SLC9A7: variants seen among roughly 807,000 people sequenced by gnomAD.
The protein encoded by SLC9A7 is sodium/hydrogen exchanger 7.
SLC9A7 carries 19 observed loss-of-function variants against 52.6 expected under a neutral mutation model. That is an observed-to-expected ratio of 0.36 (90% CI 0.25 to 0.53). The LOEUF (loss-of-function observed/expected upper bound fraction) is 0.53, where lower values mean the gene tolerates loss of function less well. Among genes scored for constraint, SLC9A7 ranks in the 20% least tolerant of loss-of-function variants. SLC9A7 has a pLI of 0.91. For synonymous variants in SLC9A7, 226 were observed against 252.1 expected (o/e 0.90, Z 0.98); for missense variants, 455 against 597.9 (o/e 0.76, Z 2.49).
chrX:46,621,560 G>C (rs1277670404), intron 14 of SLC9A7, among the ~76,000 whole-genome samples: 1 of 111,387 alleles, frequency 9.0e-6, no homozygotes, highest in Non-Finnish European at 1.9e-5. Flanking sequence ...CTGTGCTCCA[G>C]GTGGTAAGGT....
At chrX:46,725,044 A>G (rs1944920522) in intron 1 of SLC9A7, 1 of 442,059 alleles carries the variant, frequency 2.3e-6, no homozygotes, top group Non-Finnish European at 4.0e-6. Context: ...ACTTTCCTTC[A>G]AAGAAAGGAA....
intron 15 of SLC9A7, among the ~76,000 whole-genome samples, chrX:46,618,722 T>A (rs1942993443): frequency 8.9e-6 from 1 of 112,229 alleles, no homozygotes; most frequent in Admixed American, 9.4e-5. Context: ...GGCAGGTGGA[T>A]AACTTGAGGC....
At chrX:46,655,832 C>G (rs1364687498) in intron 7 of SLC9A7, among the ~76,000 whole-genome samples, 199 of 112,819 alleles carry the variant, frequency 1.8e-3, no homozygotes, top group Non-Finnish European at 3.4e-3. Flanking sequence ...TTTAGGTAAA[C>G]AAAGCAGCCG....
chrX:46,696,143 G>A (rs952244505), intron 1 of SLC9A7, among the ~76,000 whole-genome samples: 18 of 109,634 alleles, frequency 1.6e-4, no homozygotes, highest in Non-Finnish European at 2.8e-4. Context: ...CCGCCACCAC[G>A]GCCGGCTAAT....
intron 5 of SLC9A7, among the ~76,000 whole-genome samples, 164 bp from the exon 6 acceptor site, chrX:46,662,807 C>T (rs1007377991): frequency 3.6e-5 from 4 of 111,799 alleles, no homozygotes; most frequent in Non-Finnish European, 5.6e-5. Flanking sequence ...AAATGAAAAC[C>T]GCAATCTTCC....
chrX:46,661,240 G>C (rs1390353703), intron 7 of SLC9A7, among the ~76,000 whole-genome samples: 1 of 108,387 alleles, frequency 9.2e-6, no homozygotes, highest in African/African-American at 3.4e-5. Context: ...GGGAAGGGGG[G>C]AGGGATAGCA....
chrX:46,735,340 T>C (rs1008172245), intron 1 of SLC9A7, among the ~76,000 whole-genome samples: 2 of 111,716 alleles, frequency 1.8e-5, no homozygotes, highest in Admixed American at 1.9e-4. Flanking sequence ...ACAATGTTTT[T>C]AAATAATCTG....
intron 1 of SLC9A7, among the ~76,000 whole-genome samples, chrX:46,744,880 G>A: frequency 9.0e-6 from 1 of 111,136 alleles, no homozygotes; most frequent in Non-Finnish European, 1.9e-5. Context: ...AATTTTGTCA[G>A]AATTCTAGAA....
intron 1 of SLC9A7, among the ~76,000 whole-genome samples, chrX:46,694,948 C>A (rs1944429056): frequency 8.9e-6 from 1 of 112,153 alleles, no homozygotes; most frequent in Non-Finnish European, 1.9e-5. Flanking sequence ...TTACACTAAG[C>A]ATACATGCTC....
In SLC9A7 at chrX:46,635,599, G is replaced by A. The variant is rs1258114042; in HGVS notation, c.1666C>T (p.Gln556Ter). Residue 556 changes from glutamine to a stop codon, truncating the protein, a stop_gained, in exon 13 of 17, where the codon CAG becomes TAG. Transcript: ENST00000616978. LOFTEE classifies it high-confidence loss of function. ...SEEDQNEHHW[Q>*]YFRVGVDPDQ... is the part of the protein sequence containing the mutation. ...ATGCCCTTGTGTCACCTGAAGTACT[G>A]CCAGTGGTGTTCATTCTGGTCCTCT... The A allele has an allele frequency of 8.3e-7, 1 of 1,207,215 alleles. No individual in the cohort carries two copies. The highest frequency in any genetic ancestry group is 3.0e-5 in the East Asian group (1 of 33,771).
intron 7 of SLC9A7, among the ~76,000 whole-genome samples, chrX:46,659,608 G>T (rs1209574624): frequency 2.3e-5 from 1 of 42,894 alleles, no homozygotes; most frequent in East Asian, 6.2e-4. Flanking sequence ...AATCATGAGT[G>T]AACTCCCATT....
intron 16 of SLC9A7, among the ~76,000 whole-genome samples, chrX:46,610,038 A>G (rs889537440): frequency 1.8e-5 from 2 of 112,013 alleles, no homozygotes; most frequent in African/African-American, 6.5e-5. Context: ...AAAACAAACA[A>G]CCCATGGAGA....
In SLC9A7 at chrX:46,651,490, T is replaced by C. The variant is rs1426117001; in HGVS notation, c.1148-86A>G. 10 of 738,807 alleles carry C rather than the reference T, an allele frequency of 1.4e-5. No individual in the cohort carries two copies. The East Asian group carries it at 3.3e-4, about 24-fold the overall frequency. 60.9% of individuals were successfully genotyped at this position (738,807 alleles called of 1,213,427 possible). On this transcript the variant is annotated intron_variant, in intron 8 of 16. Coordinates refer to ENST00000616978, the MANE Select transcript of SLC9A7 (RefSeq NM_001257291.2). ...ACCCTGCTAGAACAAAAAGTTAAGGTAGGCAAGCCTAGCATATCCAACTTC... is the reference window on the plus strand; with the variant it reads ...ACCCTGCTAGAACAAAAAGTTAAGGCAGGCAAGCCTAGCATATCCAACTTC...
chrX:46,735,530 A>T (rs1945107961), intron 1 of SLC9A7, among the ~76,000 whole-genome samples: 1 of 112,269 alleles, frequency 8.9e-6, no homozygotes. Context: ...TAGAACAACT[A>T]AATGTTTAAA....
intron 8 of SLC9A7, among the ~76,000 whole-genome samples, 163 bp from the exon 9 acceptor site, chrX:46,651,567 C>T (rs749788237): frequency 1.1e-3 from 119 of 111,627 alleles, no homozygotes; most frequent in African/African-American, 3.7e-3. Context: ...GTGGCTCACA[C>T]CTGTAATCCC....
Position 46,758,988 on chromosome X carries a change from A to G in SLC9A7, c.42T>C (p.Ala14=), listed in dbSNP as rs1556295209. The part of the protein sequence containing the change: ...GDAARPGSGR[A]TGAPPPRLLL... ...GCAGCCGCGGCGGCGGCGCCCCGGT[A>G]GCCCGACCCGAGCCAGGGCGCGCCG... Residue 14 remains alanine, a synonymous_variant, in exon 1 of 17, where the codon GCT becomes GCC. Transcript: ENST00000616978. 1.9e-5 allele frequency: 19 copies of G among 1,012,747 alleles called. No individual in the cohort carries two copies. The Middle Eastern group carries it at 2.4e-3, about 126-fold the overall frequency. 83.5% of individuals were successfully genotyped at this position (1,012,747 alleles called of 1,213,427 possible).
chrX:46,756,581 A>C (rs782565269), intron 1 of SLC9A7, among the ~76,000 whole-genome samples: 11 of 112,267 alleles, frequency 9.8e-5, no homozygotes, highest in Non-Finnish European at 1.9e-4. Context: ...CTTGCAGTAG[A>C]AGACCAAACA....
At chrX:46,725,220 G>C (rs766976119) in intron 1 of SLC9A7, 8 of 1,011,171 alleles carry the variant, frequency 7.9e-6, no homozygotes, top group Non-Finnish European at 9.8e-6. Context: ...CTTGTTTTTC[G>C]TATCAGTGGG....
At chrX:46,726,869 A>G (rs1001361782) in intron 1 of SLC9A7, among the ~76,000 whole-genome samples, 1 of 111,125 alleles carries the variant, frequency 9.0e-6, no homozygotes, top group African/African-American at 3.3e-5. Flanking sequence ...TGCTGATGAA[A>G]AAAACAGCCC....
Sources: allele counts gnomAD v4.1 joint callset (sites outside exome capture counted in the v4.1 genomes callset), GRCh38; gene constraint gnomAD v4.1.1; transcripts MANE v1.5; gene names NCBI Gene and HGNC (gene_info 2026-07-23, HGNC 2026-07-21).